Variants in POLA2 observed in about 807,000 individuals in gnomAD.
POLA2 encodes DNA polymerase alpha 2, accessory subunit, also known as DNA polymerase alpha subunit B.
POLA2 carries 47 observed loss-of-function variants against 82.8 expected under a neutral mutation model. That is an observed-to-expected ratio of 0.57 (90% CI 0.45 to 0.72). The LOEUF (loss-of-function observed/expected upper bound fraction) is 0.72. Ranked by LOEUF, POLA2 falls within the 30% of genes least tolerant of loss-of-function variation. The probability of loss-of-function intolerance (pLI) is 0.00; values close to 1 mark genes in which losing one functional copy is unlikely to be tolerated. For missense variants in POLA2, 634 were observed against 728.1 expected (o/e 0.87, Z 1.49); for synonymous variants, 287 against 286.8 (o/e 1.00, Z -0.01).
At chr11:65,289,277 C>G (rs371861672) in intron 12 of POLA2, among the ~76,000 whole-genome samples, 189 bp downstream of exon 12, 15 of 152,324 alleles carry the variant, frequency 9.8e-5, no homozygotes, top group African/African-American at 3.6e-4. Flanking sequence ...CACCAGAATA[C>G]AAGGCTGTCT....
At chr11:65,274,292 A>C (rs1949552817) in intron 4 of POLA2, among the ~76,000 whole-genome samples, 1 of 151,568 alleles carries the variant, frequency 6.6e-6, no homozygotes, top group African/African-American at 2.4e-5. Flanking sequence ...GTGGAGTTGC[A>C]GTGAGCTGAG....
At chr11:65,305,701 A>C, downstream of POLA2, 1 of 250,918 alleles carries the variant, frequency 4.0e-6, no homozygotes. Context: ...ATAATAAGAC[A>C]CCACTGCATG....
chr11:65,292,931 G>A (rs1283974760), intron 13 of POLA2, among the ~76,000 whole-genome samples: 1 of 152,154 alleles, frequency 6.6e-6, no homozygotes, highest in African/African-American at 2.4e-5. Context: ...CTCTGCCAAG[G>A]TCATCTTAAG....
At chr11:65,303,080 C>T (rs988422738), downstream of POLA2, among the ~76,000 whole-genome samples, 2 of 152,016 alleles carry the variant, frequency 1.3e-5, no homozygotes, top group East Asian at 1.9e-4. Context: ...CGGTGGCTGA[C>T]GCCTGTAATC....
intron 10 of POLA2, among the ~76,000 whole-genome samples, chr11:65,283,557 C>T (rs565193018): frequency 3.0e-4 from 45 of 152,174 alleles, no homozygotes; most frequent in Middle Eastern, 3.4e-3. Context: ...GCAAGCTCCG[C>T]CTCCCGGGTT....
chr11:65,300,947 C>T (rs918291926), downstream of POLA2, among the ~76,000 whole-genome samples: 1 of 152,186 alleles, frequency 6.6e-6, no homozygotes, highest in Non-Finnish European at 1.5e-5. Flanking sequence ...TGTATCAGTC[C>T]GCCATTCTTT....
Position 65,295,907 on chromosome 11 carries a change from T to C in POLA2, c.1564T>C (p.Tyr522His), listed in dbSNP as rs757200772. Residue 522 changes from tyrosine (Y) to histidine (H), a missense_variant, in exon 17 of 18, where the codon TAT (tyrosine) becomes CAT (histidine). Transcript: ENST00000265465. ...YPPQEDMAID[Y>H]ESFYVYAQLP... ...GCCCCAAGAAGACATGGCCATTGAC[T>C]ATGAGTCGTTCTATGTTTACGCACA... is the stretch of plus-strand genomic sequence containing the variant. 8 of 1,614,044 alleles carry C rather than the reference T, an allele frequency of 5.0e-6. No individual in the cohort carries two copies. Among genetic ancestry groups the C allele is most frequent in the Admixed American group, 1.7e-5 (1 of 60,026 alleles).
downstream of POLA2, among the ~76,000 whole-genome samples, chr11:65,303,534 G>T (rs940734033): frequency 1.3e-5 from 2 of 152,006 alleles, no homozygotes; most frequent in African/African-American, 2.4e-5. Context: ...AAAAAAAGAG[G>T]GGGTAGAGTG....
At chr11:65,289,711 G>A (rs1949734189) in intron 12 of POLA2, 88 bp from the exon 13 acceptor site, 2 of 808,170 alleles carry the variant, frequency 2.5e-6, no homozygotes, top group Non-Finnish European at 2.1e-6. Context: ...CCCAACAGCT[G>A]ACTTCTATGG....
At chr11:65,300,704 T>A (rs1421143125), downstream of POLA2, among the ~76,000 whole-genome samples, 2 of 152,220 alleles carry the variant, frequency 1.3e-5, no homozygotes, top group Non-Finnish European at 2.9e-5. Flanking sequence ...TGCCTCAGCC[T>A]CCTGTGTAGC....
chr11:65,263,536 AAAG>A (rs1237497785), intron 1 of POLA2, among the ~76,000 whole-genome samples: 3 of 152,114 alleles, frequency 2.0e-5, no homozygotes, highest in Non-Finnish European at 2.9e-5. Context: ...TCTCTTTTTA[AAAG>A]AAGACTAGCC....
downstream of POLA2, among the ~76,000 whole-genome samples, chr11:65,302,303 G>A (rs970154738): frequency 7.2e-5 from 11 of 152,194 alleles, no homozygotes; most frequent in Non-Finnish European, 1.2e-4. Context: ...AAAGCTGCTG[G>A]GTAGAGGCAC....
intron 10 of POLA2, among the ~76,000 whole-genome samples, chr11:65,284,563 G>A (rs185484392): frequency 7.0e-5 from 10 of 143,592 alleles, no homozygotes; most frequent in East Asian, 4.0e-4. Flanking sequence ...AGTTTCACTC[G>A]TTGCCCAGGT....
At chr11:65,267,659 A>G in intron 3 of POLA2, 91 bp downstream of exon 3, 1 of 851,634 alleles carries the variant, frequency 1.2e-6, no homozygotes, top group Non-Finnish European at 1.9e-6. Context: ...AAAACAAATA[A>G]TAAGGCCGGG....
intron 13 of POLA2, among the ~76,000 whole-genome samples, chr11:65,292,956 G>A (rs673147): frequency 0.15 from 22,446 of 152,130 alleles, 1,759 homozygotes; most frequent in South Asian, 0.21. Context: ...CCAAGGAAAC[G>A]GGGCTTTCTT....
At position 65,297,367 on chromosome 11, in the gene POLA2, A is replaced by G. The variant is rs1271057699; in HGVS notation, c.*98A>G. 2 of 1,399,166 alleles carry G rather than the reference A, an allele frequency of 1.4e-6. No individual in the cohort carries two copies. Among genetic ancestry groups the G allele is most frequent in the Admixed American group, 5.5e-5 (2 of 36,222 alleles). 86.7% of individuals were successfully genotyped at this position (1,399,166 alleles called of 1,614,324 possible). Reference sequence around the variant, plus strand: ...TGACAAGGTGAACAGTTGGGTGGGAAAGGAGAGAGGAGCCAGCCAGGGAGG... The same window carrying G: ...TGACAAGGTGAACAGTTGGGTGGGAGAGGAGAGAGGAGCCAGCCAGGGAGG... On this transcript the variant is annotated 3_prime_UTR_variant, in exon 18 of 18. Transcript: ENST00000265465.
downstream of POLA2, among the ~76,000 whole-genome samples, chr11:65,300,771 AG>A: frequency 6.6e-6 from 1 of 152,216 alleles, no homozygotes; most frequent in East Asian, 1.9e-4. Context: ...TAGTAGAGAC[AG>A]GGTTTCACCA....
chr11:65,292,253 C>T (rs1949762963), intron 13 of POLA2, among the ~76,000 whole-genome samples: 1 of 152,150 alleles, frequency 6.6e-6, no homozygotes, highest in Non-Finnish European at 1.5e-5. Flanking sequence ...GAAAAAGAGC[C>T]AGTGAGAAAG....
Position 65,297,350 on chromosome 11 carries a change from T to TG in POLA2, c.*82dup. Reference sequence around the variant, plus strand: ...GCCAAGACATAGCCCTGTGACAAGGTGAACAGTTGGGTGGGAAAGGAGAGA... The same window carrying TG: ...GCCAAGACATAGCCCTGTGACAAGGTGGAACAGTTGGGTGGGAAAGGAGAGA... On this transcript the variant is annotated 3_prime_UTR_variant, in exon 18 of 18. Coordinates refer to ENST00000265465, the MANE Select transcript of POLA2 (RefSeq NM_002689.4). The TG allele has an allele frequency of 6.9e-7, 1 of 1,452,862 alleles. No homozygotes were observed. Among genetic ancestry groups the TG allele is most frequent in the Non-Finnish European group, 9.1e-7 (1 of 1,098,068 alleles). The allele number at this position is 1,452,862 out of a possible 1,614,324, so 90.0% of individuals were successfully genotyped here. A position where few individuals can be genotyped will look rare whatever the true frequency, so the allele number is the denominator to read the frequency against.
Sources: gnomAD v4.1 joint callset for allele counts (sites outside exome capture counted in the v4.1 genomes callset) on GRCh38, gnomAD v4.1.1 for gene constraint, MANE v1.5 for transcripts, NCBI Gene and HGNC (gene_info 2026-07-23, HGNC 2026-07-21) for gene names.